Variants in CFAP46 observed in about 807,000 individuals in gnomAD.
CFAP46 encodes the protein cilia- and flagella-associated protein 46.
A neutral mutation model predicts 325.7 loss-of-function variants in CFAP46; 245 were observed. The observed-to-expected ratio is 0.75, with a 90% CI of 0.68 to 0.84. The LOEUF (loss-of-function observed/expected upper bound fraction) is 0.84, where lower values mean the gene tolerates loss of function less well. Ranked by LOEUF, CFAP46 falls within the 40% of genes least tolerant of loss-of-function variation. The pLI, the probability that CFAP46 is intolerant of heterozygous loss-of-function variation, is 0.00. For missense variants in CFAP46, 3,346 were observed against 3,543.0 expected, an observed-to-expected ratio of 0.94 and a Z score of 1.41; for synonymous variants, 1,523 against 1,495.9, an observed-to-expected ratio of 1.02 and a Z score of -0.42.
rs1184713197 is a variant in CFAP46 at position 132,832,836 on chromosome 10, A to ACACAT, written c.7117+517_7117+521dup. 1 of 470,568 alleles carries ACACAT rather than the reference A, an allele frequency of 2.1e-6. No homozygotes were observed. The highest frequency in any genetic ancestry group is 4.4e-6 in the Non-Finnish European group (1 of 226,744). The allele number at this position is 470,568 out of a possible 1,614,324, so 29.1% of individuals were successfully genotyped here. ...TTAACGGAGAGGCTGGCTGTTTACTACACATCTGGTCCCCTCCTTTGAAAC... is the reference window on the plus strand; with the variant it reads ...TTAACGGAGAGGCTGGCTGTTTACTACACATCACATCTGGTCCCCTCCTTTGAAAC... On this transcript the variant is annotated intron_variant, in intron 50 of 57. Coordinates refer to ENST00000368586, the MANE Select transcript of CFAP46 (RefSeq NM_001200049.3). This position sits in a 1 kb window ranked among gnomAD's most constrained non-coding sequence, Gnocchi z 4.1.
rs538228502 is a variant in CFAP46 at position 132,833,491 on chromosome 10, G to A, written c.6984C>T (p.Val2328=). 1.9e-5 allele frequency: 31 copies of A among 1,614,098 alleles called. No homozygotes were observed. Among genetic ancestry groups the A allele is most frequent in the African/African-American group, 9.3e-5 (7 of 75,038 alleles). Residue 2328 remains valine, a synonymous_variant, in exon 50 of 58, where the codon GTC becomes GTT. Coordinates refer to ENST00000368586, the MANE Select transcript of CFAP46 (RefSeq NM_001200049.3). ...TVQPEVADKI[V]LVADRHLLEL... The stretch of plus-strand genomic sequence containing the variant: ...CCAGGAGATGTCTGTCTGCGACCAG[G>A]ACTATCTTATCGGCAACCTCAGGCT...
chr10:132,938,596 G>A lies in CFAP46; in HGVS notation c.529C>T (p.Leu177=). The A allele has an allele frequency of 6.2e-7, 1 of 1,613,092 alleles. No homozygotes were observed. The highest frequency in any genetic ancestry group is 8.5e-7 in the Non-Finnish European group (1 of 1,179,914). ...EEEDKEWRAE[L]MLELLECYLQ... is the part of the protein sequence containing the mutation. ...ACGGCGAGCTCAACTCACAGCATCA[G>A]CTCAGCACGCCACTCCTTGTCTTCC... The change falls in exon 5 of 58, where the codon CTG becomes TTG. Residue 177 remains leucine, a synonymous_variant. Coordinates refer to ENST00000368586, the MANE Select transcript of CFAP46 (RefSeq NM_001200049.3).
intron 22 of CFAP46, among the ~76,000 whole-genome samples, chr10:132,901,382 T>G (rs1432078096): frequency 2.0e-5 from 3 of 152,256 alleles, no homozygotes; most frequent in African/African-American, 4.8e-5. Context: ...AATGGAATAT[T>G]TTTTAGTATC....
At chr10:132,898,790 G>T (rs888827204) in intron 24 of CFAP46, 169 bp downstream of exon 24, 43 of 880,448 alleles carry the variant, frequency 4.9e-5, no homozygotes, top group Middle Eastern at 4.3e-4. Context: ...CCCCCGCAGT[G>T]CTGGGACTTG....
At chr10:132,903,520 T>C (rs1237299165) in intron 22 of CFAP46, among the ~76,000 whole-genome samples, 2 of 152,258 alleles carry the variant, frequency 1.3e-5, no homozygotes, top group Non-Finnish European at 2.9e-5. Context: ...GGCTGCAGCA[T>C]GTGAAGCTCC....
At chr10:132,934,005 G>A (rs1019885464) in intron 8 of CFAP46, among the ~76,000 whole-genome samples, 12 of 152,172 alleles carry the variant, frequency 7.9e-5, no homozygotes, top group Non-Finnish European at 1.8e-4. Flanking sequence ...CTGTGCCCGG[G>A]TACCTGAACC....
Position 132,832,388 on chromosome 10 carries a change from GC to G in CFAP46, c.7117+969del, listed in dbSNP as rs60514588. Among the ~76,000 whole-genome samples, 10,173 of 105,634 alleles carry G rather than the reference GC, an allele frequency of 0.096. 563 individuals carry two copies. The highest frequency in any genetic ancestry group is 0.16 in the African/African-American group (3,912 of 24,978). 69.3% of individuals were successfully genotyped at this position (105,634 alleles called of 152,430 possible). On this transcript the variant is annotated intron_variant, in intron 50 of 57. Coordinates refer to ENST00000368586, the MANE Select transcript of CFAP46 (RefSeq NM_001200049.3). This position sits in a 1 kb window ranked among gnomAD's most constrained non-coding sequence, Gnocchi z 4.1. ...TTGCGGAGACCCCTGGGCTCTTCCTGCCCCCCCCCCCCAATGCTGTGGCCTG... is the reference window on the plus strand; with the variant it reads ...TTGCGGAGACCCCTGGGCTCTTCCTGCCCCCCCCCCCAATGCTGTGGCCTG...
intron 9 of CFAP46, among the ~76,000 whole-genome samples, chr10:132,927,869 A>G (rs1849835757): frequency 6.6e-6 from 1 of 152,250 alleles, no homozygotes; most frequent in Non-Finnish European, 1.5e-5. Context: ...GTCTAACAGT[A>G]GGCTGGCGGG....
At chr10:132,862,769 C>T (rs534032015) in intron 35 of CFAP46, among the ~76,000 whole-genome samples, 1 of 148,836 alleles carries the variant, frequency 6.7e-6, no homozygotes, top group Non-Finnish European at 1.5e-5. Flanking sequence ...GCACTCCCAT[C>T]GCCGGCCTCG....
Position 132,882,184 on chromosome 10 carries a change from G to C in CFAP46, c.3628-1152C>G, listed in dbSNP as rs1419562454. Among the ~76,000 whole-genome samples, 3 of 148,908 alleles carry C rather than the reference G, an allele frequency of 2.0e-5. No individual in the cohort carries two copies. In the East Asian group the frequency reaches 5.9e-4, roughly 29 times the overall value. ...GTGAGTGGTGTGTGTGGGATGTGGG[G>C]TGTGAGTGGGATGTGGGGTATGAGT... On this transcript the variant is annotated intron_variant, in intron 27 of 57. Transcript: ENST00000368586.
intron 6 of CFAP46, chr10:132,937,346 G>C (rs1202201805): frequency 3.3e-6 from 2 of 601,024 alleles, no homozygotes; most frequent in Non-Finnish European, 5.6e-6. Flanking sequence ...ACCCTGTTTT[G>C]TTTTCTAAAT....
chr10:132,880,896 G>C lies in CFAP46; in HGVS notation c.3764C>G (p.Pro1255Arg). The C allele has an allele frequency of 6.5e-7, 1 of 1,549,968 alleles. No individual in the cohort carries two copies. Among genetic ancestry groups the C allele is most frequent in the Non-Finnish European group, 8.7e-7 (1 of 1,146,972 alleles). ...AVEILLAMKP[P>R]GDVPEPQPTP... ...GGGCTGTGGCTCAGGGACATCGCCG[G>C]GCGGCTTCATGGCCAGCAGGATCTC... Residue 1255 changes from proline (P) to arginine (R), a missense_variant, in exon 28 of 58, where the codon CCC becomes CGC. Transcript: ENST00000368586.
At chr10:132,883,286 A>AAACC (rs1474907032) in intron 27 of CFAP46, among the ~76,000 whole-genome samples, 4 of 152,232 alleles carry the variant, frequency 2.6e-5, no homozygotes, top group African/African-American at 9.6e-5. Flanking sequence ...AAAGCAACGA[A>AAACC]AACCAACCAA....
intron 22 of CFAP46, among the ~76,000 whole-genome samples, chr10:132,906,353 T>A (rs1191065166): frequency 6.6e-6 from 1 of 152,278 alleles, no homozygotes; most frequent in Non-Finnish European, 1.5e-5. Context: ...TCACCCCAGC[T>A]GGGTGGCCTC....
At chr10:132,824,695 T>A (rs562825162) in intron 50 of CFAP46, among the ~76,000 whole-genome samples, 8 of 50,670 alleles carry the variant, frequency 1.6e-4, no homozygotes, top group East Asian at 7.5e-4. Context: ...GTGCTGTGTG[T>A]GCGCTGATGT....
At chr10:132,881,151 T>C (rs1849037193) in intron 27 of CFAP46, 119 bp from the exon 28 acceptor site, 1 of 1,002,606 alleles carries the variant, frequency 1.0e-6, no homozygotes, top group African/African-American at 1.6e-5. Context: ...ACCCCCACAG[T>C]GATCATTTGC....
At chr10:132,843,451 T>C (rs1177991518) in intron 44 of CFAP46, among the ~76,000 whole-genome samples, 2 of 128,624 alleles carry the variant, frequency 1.6e-5, no homozygotes, top group Admixed American at 1.5e-4. Flanking sequence ...CAGTGGGCGT[T>C]CCCAGGGTGC....
chr10:132,875,800 T>G (rs1848949366), intron 31 of CFAP46, among the ~76,000 whole-genome samples: 1 of 151,492 alleles, frequency 6.6e-6, no homozygotes, highest in South Asian at 2.1e-4. Context: ...CTGTACAACC[T>G]CCAGAAATGA....
rs1166933948 is a variant in CFAP46, at chr10:132,908,339, GGCCCGC to G, written c.2924+123_2924+128del. The stretch of plus-strand genomic sequence containing the variant: ...CGCCCTGATCTGTGATCGCGGCCCA[GGCCCGC>G]GCTCCCTGCCCGTTTTGGGGAACTG... On this transcript the variant is annotated intron_variant, in intron 22 of 57. Transcript: ENST00000368586. 2.6e-6 allele frequency: 3 copies of G among 1,164,642 alleles called. No individual in the cohort carries two copies. In the East Asian group the frequency reaches 7.7e-5, roughly 30 times the overall value. The allele number at this position is 1,164,642 out of a possible 1,614,324, so 72.1% of individuals were successfully genotyped here. A position where few individuals can be genotyped will look rare whatever the true frequency, so the allele number is the denominator to read the frequency against.
Sources: gnomAD v4.1 joint callset for allele counts (sites outside exome capture counted in the v4.1 genomes callset) on GRCh38, gnomAD v4.1.1 for gene constraint, Gnocchi (gnomAD v3.1) non-coding constraint, MANE v1.5 for transcripts, NCBI Gene and HGNC (gene_info 2026-07-23, HGNC 2026-07-21) for gene names.